ZNF385D: variants seen among roughly 807,000 people sequenced by gnomAD.
The protein encoded by ZNF385D is zinc finger protein 385D.
In ZNF385D, 15 loss-of-function variants were observed where a neutral mutation model predicts 35.8. The observed-to-expected ratio is 0.42, with a 90% confidence interval of 0.28 to 0.64. The LOEUF (loss-of-function observed/expected upper bound fraction) is 0.64. Among genes scored for constraint, ZNF385D ranks in the 30% least tolerant of loss-of-function variants. ZNF385D has a pLI of 0.23. For missense variants in ZNF385D, 474 were observed against 494.6 expected (o/e 0.96, Z 0.39); for synonymous variants, 212 against 186.8 (o/e 1.13, Z -1.10).
intron 3 of ZNF385D, among the ~76,000 whole-genome samples, chr3:21,840,908 A>G (rs1190085346): frequency 2.6e-5 from 4 of 152,048 alleles, no homozygotes; most frequent in Non-Finnish European, 1.5e-5. Flanking sequence ...AGTTGAATAA[A>G]TGTCTATGAC....
chr3:21,543,825 G>A (rs558772153), intron 3 of ZNF385D, among the ~76,000 whole-genome samples: 12 of 152,274 alleles, frequency 7.9e-5, no homozygotes, highest in African/African-American at 2.9e-4. Context: ...CAAAGTTTTG[G>A]TTGTGAAATG....
chr3:21,916,613 T>A (rs1218403628), intron 3 of ZNF385D, among the ~76,000 whole-genome samples: 2 of 152,220 alleles, frequency 1.3e-5, no homozygotes, highest in South Asian at 4.1e-4. Context: ...ATAAGCGAAG[T>A]GCTTTGTAAC....
intron 2 of ZNF385D, among the ~76,000 whole-genome samples, chr3:22,353,718 C>T (rs931525673): frequency 6.6e-6 from 1 of 152,124 alleles, no homozygotes; most frequent in East Asian, 1.9e-4. Context: ...CTTCTACAGT[C>T]CTGTTCCTTC....
chr3:22,222,475 T>C (rs1215437583), intron 2 of ZNF385D, among the ~76,000 whole-genome samples: 2 of 152,222 alleles, frequency 1.3e-5, no homozygotes, highest in African/African-American at 4.8e-5. Context: ...GAAATGGTCA[T>C]TTCTTCATAT....
intron 2 of ZNF385D, among the ~76,000 whole-genome samples, chr3:21,591,790 G>C (rs1021414439): frequency 1.3e-5 from 2 of 152,080 alleles, no homozygotes; most frequent in African/African-American, 4.8e-5. Context: ...GCCTCATTCA[G>C]AACAGTTTTT....
At chr3:22,303,655 G>A (rs530214239) in intron 2 of ZNF385D, among the ~76,000 whole-genome samples, 76 of 152,100 alleles carry the variant, frequency 5.0e-4, no homozygotes, top group African/African-American at 1.4e-3. Flanking sequence ...AAATCAAACC[G>A]GTGATTTGAC....
At chr3:22,140,276 C>T (rs1366782831) in intron 3 of ZNF385D, among the ~76,000 whole-genome samples, 1 of 152,122 alleles carries the variant, frequency 6.6e-6, no homozygotes, top group African/African-American at 2.4e-5. Context: ...GATAACACAA[C>T]ATAGATCTTA....
At chr3:22,120,665 C>T (rs1043821355) in intron 3 of ZNF385D, among the ~76,000 whole-genome samples, 4 of 152,110 alleles carry the variant, frequency 2.6e-5, no homozygotes, top group Non-Finnish European at 4.4e-5. Flanking sequence ...GCTGTCTGAA[C>T]GTATTCACCT....
intron 3 of ZNF385D, among the ~76,000 whole-genome samples, chr3:22,109,034 A>G (rs1181846448): frequency 6.6e-6 from 1 of 152,102 alleles, no homozygotes; most frequent in Non-Finnish European, 1.5e-5. Flanking sequence ...AAAACCATGT[A>G]GCAATAATGC....
At chr3:21,865,631 C>A (rs919556932) in intron 3 of ZNF385D, among the ~76,000 whole-genome samples, 3 of 152,170 alleles carry the variant, frequency 2.0e-5, no homozygotes, top group Admixed American at 6.5e-5. Flanking sequence ...GAGCAGAGAG[C>A]TGAACACTGC....
At chr3:22,307,272 G>GATAA (rs1302524443) in intron 2 of ZNF385D, among the ~76,000 whole-genome samples, 2 of 152,128 alleles carry the variant, frequency 1.3e-5, no homozygotes, top group Admixed American at 6.6e-5. Flanking sequence ...TAGGAATGAA[G>GATAA]ATAAGTCTGC....
intron 2 of ZNF385D, among the ~76,000 whole-genome samples, chr3:22,200,428 G>C (rs1453262552): frequency 2.6e-5 from 4 of 152,042 alleles, no homozygotes; most frequent in Non-Finnish European, 5.9e-5. Context: ...CAAAAGGGGA[G>C]GGAGTATACA....
intron 2 of ZNF385D, among the ~76,000 whole-genome samples, chr3:21,639,812 T>C (rs181406990): frequency 7.0e-4 from 107 of 152,130 alleles, no homozygotes; most frequent in Admixed American, 1.9e-3. Context: ...ATAATAGTTA[T>C]AGATTTTTTA....
At chr3:22,132,522 G>A (rs1264733450) in intron 3 of ZNF385D, among the ~76,000 whole-genome samples, 1 of 152,040 alleles carries the variant, frequency 6.6e-6, no homozygotes, top group East Asian at 1.9e-4. Flanking sequence ...AAGTTTCAGA[G>A]GATAGTTGGC....
At chr3:21,826,269 C>T (rs1478807460) in intron 3 of ZNF385D, among the ~76,000 whole-genome samples, 5 of 152,106 alleles carry the variant, frequency 3.3e-5, no homozygotes, top group African/African-American at 1.2e-4. Flanking sequence ...ATGGCTGGTA[C>T]GTAGGAGAGA....
rs558309761 is a variant in ZNF385D at position 21,861,221 on chromosome 3, T to C, written c.326-196193A>G. Among the ~76,000 whole-genome samples, 11 of 151,768 alleles carry C rather than the reference T, an allele frequency of 7.2e-5. No homozygotes were observed. In the South Asian group the frequency reaches 2.1e-3, roughly 29 times the overall value. ...AACAGACTGCTCTCAAAACAAGTTC[T>C]ATTTTTTTCGTGCCATAGTCCAGGT... is the stretch of plus-strand genomic sequence containing the variant. On this transcript the variant is annotated intron_variant, in intron 3 of 5. Transcript: ENST00000494108.
chr3:21,564,782 C>T (rs1248878401), intron 2 of ZNF385D, 98 bp from the exon 3 acceptor site: 3 of 539,580 alleles, frequency 5.6e-6, no homozygotes, highest in Non-Finnish European at 9.5e-6. Flanking sequence ...TGTACAGCTT[C>T]AATCTACTGC....
chr3:21,454,187 G>T (rs755263760), intron 4 of ZNF385D, among the ~76,000 whole-genome samples: 6 of 151,968 alleles, frequency 3.9e-5, no homozygotes, highest in Non-Finnish European at 7.4e-5. Flanking sequence ...GGTTGCCAGG[G>T]AATGGGAGAA....
intron 2 of ZNF385D, among the ~76,000 whole-genome samples, chr3:22,202,250 T>C (rs879391785): frequency 1.3e-5 from 2 of 152,124 alleles, no homozygotes; most frequent in African/African-American, 2.4e-5. Context: ...ATAAGCTTTA[T>C]TTGTTTCTGG....
Sources: allele counts gnomAD v4.1 joint callset (sites outside exome capture counted in the v4.1 genomes callset), GRCh38; gene constraint gnomAD v4.1.1; transcripts MANE v1.5; gene names NCBI Gene and HGNC (gene_info 2026-07-23, HGNC 2026-07-21).